RHOBTB2: variants seen among roughly 807,000 people sequenced by gnomAD.
RHOBTB2 encodes Rho related BTB domain containing 2.
Under a neutral mutation model 66.5 loss-of-function variants are expected in RHOBTB2, and 39 were observed. The observed-to-expected ratio is 0.59, with a 90% CI of 0.45 to 0.77. The LOEUF is 0.77. RHOBTB2 is among the 30% of genes least tolerant of loss of function. The probability of loss-of-function intolerance (pLI) is 0.00; values close to 1 mark genes in which losing one functional copy is unlikely to be tolerated. For synonymous variants in RHOBTB2, 390 were observed against 395.0 expected (o/e 0.99, Z 0.15); for missense variants, 755 against 999.1 (o/e 0.76, Z 3.29).
chr8:23,005,339 C>T (rs1344110037), intron 2 of RHOBTB2, 33 bp from the exon 3 acceptor site: 6 of 1,546,674 alleles, frequency 3.9e-6, no homozygotes, highest in Middle Eastern at 1.7e-4. Context: ...AAAACTGCTG[C>T]CTTCGAGTCC....
chr8:22,984,819 G>C (rs559504511), upstream of RHOBTB2: 1 of 152,296 alleles, frequency 6.6e-6, no homozygotes, highest in South Asian at 2.1e-4. Flanking sequence ...AGCTACTCAG[G>C]AGGCTGAGGC....
At chr8:22,963,460 G>A in the RHOBTB2 span, among the ~76,000 whole-genome samples, 8 of 151,810 alleles carry the variant, frequency 5.3e-5, no homozygotes, top group African/African-American at 1.9e-4. Flanking sequence ...TTTCACATTA[G>A]AGAAAAGCAC....
chr8:22,995,682 C>G (rs920201960), upstream of RHOBTB2, among the ~76,000 whole-genome samples: 4 of 152,202 alleles, frequency 2.6e-5, no homozygotes, highest in African/African-American at 7.2e-5. Flanking sequence ...CTCCTTCACC[C>G]TGCTGGGGCT....
chr8:23,015,469 T>G (rs34333628), intron 8 of RHOBTB2, among the ~76,000 whole-genome samples, 169 bp from the exon 9 acceptor site: 330 of 152,068 alleles, frequency 2.2e-3, no homozygotes, highest in Non-Finnish European at 4.0e-3. Context: ...TGAGGCAGCA[T>G]CATCATCCTC....
the RHOBTB2 span, among the ~76,000 whole-genome samples, chr8:22,978,350 G>C: frequency 1.3e-5 from 2 of 151,840 alleles, no homozygotes; most frequent in Non-Finnish European, 2.9e-5. Flanking sequence ...AGCCAGGCGT[G>C]TTGGCGGGTG....
chr8:23,017,792 C>T lies in RHOBTB2; in HGVS notation c.*323C>T, dbSNP rs1811340425. 6.1e-6 allele frequency: 2 copies of T among 325,466 alleles called. No individual in the cohort carries two copies. The highest frequency in any genetic ancestry group is 4.1e-5 in the African/African-American group (2 of 48,238). The allele number at this position is 325,466 out of a possible 1,614,324, so 20.2% of individuals were successfully genotyped here. ...AGGGAAAGCCTCCCAGCCTCCAGGG[C>T]TTCTCTGTGTGTCTTGGTTGCTGCT... On this transcript the variant is annotated 3_prime_UTR_variant, in exon 10 of 10. Transcript: ENST00000251822. The surrounding 1 kb of genome is among the most constrained non-coding windows in gnomAD (Gnocchi z 5.3).
rs1811316701 is a variant in RHOBTB2, at chr8:23,017,216, C to T, written c.1967-36C>T. The T allele has an allele frequency of 6.2e-7, 1 of 1,611,314 alleles. No homozygotes were observed. The highest frequency in any genetic ancestry group is 1.7e-5 in the Admixed American group (1 of 59,942). On this transcript the variant is annotated intron_variant, in intron 9 of 9. Coordinates refer to ENST00000251822, the MANE Select transcript of RHOBTB2 (RefSeq NM_015178.3). The surrounding 1 kb of genome is among the most constrained non-coding windows in gnomAD (Gnocchi z 5.3). ...TCCCACGTTCCTCTTGTCCCTCTGC[C>T]TCCTTTCTAACCAAGCTGCCTGCTC... is the stretch of plus-strand genomic sequence containing the variant.
chr8:22,990,050 C>G (rs1810387074), intron 1 of RHOBTB2, among the ~76,000 whole-genome samples: 1 of 152,132 alleles, frequency 6.6e-6, no homozygotes, highest in Non-Finnish European at 1.5e-5. Flanking sequence ...AATAAACATT[C>G]AGTAAGTTAT....
chr8:22,962,712 T>C, the RHOBTB2 span, among the ~76,000 whole-genome samples: 1 of 152,178 alleles, frequency 6.6e-6, no homozygotes, highest in Admixed American at 6.5e-5. Flanking sequence ...TAGAGAGACA[T>C]CAGACAGAGA....
chr8:22,974,769 C>CT, the RHOBTB2 span, among the ~76,000 whole-genome samples: 1 of 152,098 alleles, frequency 6.6e-6, no homozygotes, highest in Non-Finnish European at 1.5e-5. Flanking sequence ...GAAAGGGCTG[C>CT]TGGGAGCTGC....
the RHOBTB2 span, among the ~76,000 whole-genome samples, chr8:22,981,898 G>C: frequency 1.2e-5 from 1 of 81,926 alleles, no homozygotes; most frequent in Non-Finnish European, 2.4e-5. Context: ...AGCCTGGGCG[G>C]TTCCATATCC....
the RHOBTB2 span, among the ~76,000 whole-genome samples, chr8:22,973,365 G>A: frequency 6.6e-6 from 1 of 151,992 alleles, no homozygotes; most frequent in Non-Finnish European, 1.5e-5. Flanking sequence ...AGTAGCTGGG[G>A]TCACAGGTGT....
In RHOBTB2 at chr8:23,004,390, C is replaced by A; in HGVS notation, c.-10-35C>A. The A allele has an allele frequency of 1.3e-6, 2 of 1,588,052 alleles. No homozygotes were observed. Among genetic ancestry groups the A allele is most frequent in the South Asian group, 2.2e-5 (2 of 90,382 alleles). On this transcript the variant is annotated intron_variant, in intron 1 of 9. Coordinates refer to ENST00000251822, the MANE Select transcript of RHOBTB2 (RefSeq NM_015178.3). The surrounding 1 kb of genome is among the most constrained non-coding windows in gnomAD (Gnocchi z 6.4). ...CCTGGCCCACGGCGAGCTGGCATGC[C>A]ATGCCGTCCTGACCGCCTCCCTCCT...
the RHOBTB2 span, among the ~76,000 whole-genome samples, chr8:22,961,942 T>C: frequency 6.6e-6 from 1 of 152,084 alleles, no homozygotes; most frequent in Non-Finnish European, 1.5e-5. Flanking sequence ...AATACTATGC[T>C]GATACATTTG....
Position 23,004,186 on chromosome 8 carries a change from A to G in RHOBTB2, c.-10-239A>G. On this transcript the variant is annotated intron_variant, in intron 1 of 9. Coordinates refer to ENST00000251822, the MANE Select transcript of RHOBTB2 (RefSeq NM_015178.3). This position sits in a 1 kb window ranked among gnomAD's most constrained non-coding sequence, Gnocchi z 6.4. ...AGACGCACAGCTGGAGGATCGTGGG[A>G]GCAGGAAGGGGACAGGTGGCCCATC... The G allele has an allele frequency of 1.8e-6, 1 of 548,958 alleles. No homozygotes were observed. The allele number at this position is 548,958 out of a possible 1,614,324, so 34.0% of individuals were successfully genotyped here. A position where few individuals can be genotyped will look rare whatever the true frequency, so the allele number is the denominator to read the frequency against.
upstream of RHOBTB2, among the ~76,000 whole-genome samples, chr8:22,985,684 C>T (rs60988736): frequency 0.015 from 2,215 of 152,278 alleles, 42 homozygotes; most frequent in African/African-American, 0.04. Flanking sequence ...CATGCTTTTC[C>T]GGCATTCCCT....
the RHOBTB2 span, among the ~76,000 whole-genome samples, chr8:22,973,804 GCACAGAGGTAC>G: frequency 7.2e-5 from 11 of 152,306 alleles, no homozygotes; most frequent in East Asian, 2.1e-3. Context: ...GGAGGGGGTA[GCACAGAGGTAC>G]CCTCCTTCCT....
the RHOBTB2 span, among the ~76,000 whole-genome samples, chr8:22,975,121 C>CCAAA: frequency 6.6e-6 from 1 of 152,114 alleles, no homozygotes; most frequent in Non-Finnish European, 1.5e-5. Flanking sequence ...GCCCACATCT[C>CCAAA]CAAACAGTTG....
chr8:23,004,608 A>G lies in RHOBTB2; in HGVS notation c.174A>G (p.Gln58=), dbSNP rs769347708. 9 of 1,613,526 alleles carry G rather than the reference A, an allele frequency of 5.6e-6. No homozygotes were observed. The highest frequency in any genetic ancestry group is 3.3e-5 in the Admixed American group (2 of 59,944). The change falls in exon 2 of 10, where the codon CAA becomes CAG. Residue 58 remains glutamine (Q), a synonymous_variant. Coordinates refer to ENST00000251822, the MANE Select transcript of RHOBTB2 (RefSeq NM_015178.3). The surrounding 1 kb of genome is among the most constrained non-coding windows in gnomAD (Gnocchi z 6.4). ...THVPTVWAID[Q]YRVCQEVLER... is the part of the protein sequence containing the mutation. ...TGCCCACAGTATGGGCCATCGACCA[A>G]TATCGTGTGTGCCAGGAGGTAAGGC...
Sources: allele counts gnomAD v4.1 joint callset (sites outside exome capture counted in the v4.1 genomes callset), GRCh38; gene constraint gnomAD v4.1.1; non-coding constraint Gnocchi (gnomAD v3.1); transcripts MANE v1.5; gene names NCBI Gene and HGNC (gene_info 2026-07-23, HGNC 2026-07-21).